SECISBP2L: variants seen among roughly 807,000 people sequenced by gnomAD.
SECISBP2L encodes selenocysteine insertion sequence-binding protein 2-like.
In SECISBP2L, 43 loss-of-function variants were observed where a neutral mutation model predicts 114.7. The ratio of observed to expected loss-of-function variants is 0.38; its 90% CI spans 0.29 to 0.48. The LOEUF (loss-of-function observed/expected upper bound fraction) is 0.48. SECISBP2L is among the 20% of genes least tolerant of loss of function. The probability of loss-of-function intolerance (pLI) is 0.98; values close to 1 mark genes in which losing one functional copy is unlikely to be tolerated. For synonymous variants in SECISBP2L, 451 were observed against 439.7 expected (o/e 1.03, Z -0.32); for missense variants, 1,136 against 1,301.1 (o/e 0.87, Z 1.95).
At chr15:49,015,436 G>A (rs75292421) in intron 11 of SECISBP2L, among the ~76,000 whole-genome samples, 1 of 152,192 alleles carries the variant, frequency 6.6e-6, no homozygotes, top group African/African-American at 2.4e-5. Flanking sequence ...AGGTTTAAAC[G>A]TTTTGCACAC....
In SECISBP2L at chr15:48,999,813, T is replaced by C; in HGVS notation, c.2403+20A>G. 6.2e-7 allele frequency: 1 copy of C among 1,611,342 alleles called. No individual in the cohort carries two copies. Reference sequence around the variant, plus strand: ...GGGGATGTGCTGGAGAGCAAGAGTGTGTGTCTTCTAAATTCTTACCTCAGC... The same window carrying C: ...GGGGATGTGCTGGAGAGCAAGAGTGCGTGTCTTCTAAATTCTTACCTCAGC... On this transcript the variant is annotated intron_variant, in intron 16 of 17. Transcript: ENST00000559471.
At position 48,991,162 on chromosome 15, in the gene SECISBP2L, C is replaced by T. The variant is rs1478854387; in HGVS notation, c.*1082G>A. On this transcript the variant is annotated 3_prime_UTR_variant, in exon 18 of 18. Coordinates refer to ENST00000559471, the MANE Select transcript of SECISBP2L (RefSeq NM_001193489.2). Reference sequence around the variant, plus strand: ...TCTTCTAAAACTTCCTCCTCTAAGCCTTGATTATCAGGATACATGTCACAA... The same window carrying T: ...TCTTCTAAAACTTCCTCCTCTAAGCTTTGATTATCAGGATACATGTCACAA... The T allele has an allele frequency of 1.3e-5, 2 of 152,198 alleles. No homozygotes were observed. Among genetic ancestry groups the T allele is most frequent in the African/African-American group, 4.8e-5 (2 of 41,436 alleles). The allele number at this position is 152,198 out of a possible 1,614,324, so 9.4% of individuals were successfully genotyped here.
intron 5 of SECISBP2L, 67 bp downstream of exon 5, chr15:49,028,386 G>T: frequency 6.9e-7 from 1 of 1,443,624 alleles, no homozygotes; most frequent in Non-Finnish European, 9.7e-7. Context: ...TTAAGCTTTA[G>T]CAGAGGATGC....
At chr15:49,038,381 G>C (rs1903055125) in intron 1 of SECISBP2L, among the ~76,000 whole-genome samples, 1 of 149,672 alleles carries the variant, frequency 6.7e-6, no homozygotes, top group Non-Finnish European at 1.5e-5. Context: ...ATCCATTTTA[G>C]TTTACTTTGT....
chr15:49,041,043 T>G (rs1057462601), intron 1 of SECISBP2L, among the ~76,000 whole-genome samples: 1 of 152,120 alleles, frequency 6.6e-6, no homozygotes, highest in Admixed American at 6.5e-5. Flanking sequence ...GTGTTTAGTC[T>G]CTCTACTTTT....
At chr15:48,996,628 C>A in intron 16 of SECISBP2L, 42 bp from the exon 17 acceptor site, 1 of 1,532,984 alleles carries the variant, frequency 6.5e-7, no homozygotes, top group Non-Finnish European at 9.0e-7. Flanking sequence ...TTTTTTGTTA[C>A]ACTTTTTATT....
chr15:48,988,734 A>C lies in SECISBP2L; in HGVS notation c.*3510T>G. 2 of 369,630 alleles carry C rather than the reference A, an allele frequency of 5.4e-6. No individual in the cohort carries two copies. The highest frequency in any genetic ancestry group is 3.1e-5 in the Admixed American group (1 of 32,156). 22.9% of individuals were successfully genotyped at this position (369,630 alleles called of 1,614,324 possible). ...TATTACCCCCCAAATGTGATATAAC[A>C]ATTATCCTTCATACAGCAAAAGATG... On this transcript the variant is annotated 3_prime_UTR_variant, in exon 18 of 18. Transcript: ENST00000559471.
chr15:49,044,802 T>G, intron 1 of SECISBP2L, among the ~76,000 whole-genome samples: 1 of 152,182 alleles, frequency 6.6e-6, no homozygotes, highest in East Asian at 1.9e-4. Context: ...AATTACCATC[T>G]AAATAGTTAA....
At chr15:49,037,518 A>G in intron 2 of SECISBP2L, 73 bp downstream of exon 2, 1 of 1,358,606 alleles carries the variant, frequency 7.4e-7, no homozygotes, top group East Asian at 2.5e-5. Flanking sequence ...GTTGCAAAGG[A>G]AAAATATTAA....
At chr15:49,030,597 A>T (rs1459464669) in intron 4 of SECISBP2L, among the ~76,000 whole-genome samples, 1 of 152,192 alleles carries the variant, frequency 6.6e-6, no homozygotes, top group Non-Finnish European at 1.5e-5. Context: ...TTATTCTTTC[A>T]CTAACTTTTA....
chr15:49,016,868 T>C lies in SECISBP2L; in HGVS notation c.1399A>G (p.Met467Val), dbSNP rs1261578335. 2 of 1,611,704 alleles carry C rather than the reference T, an allele frequency of 1.2e-6. No individual in the cohort carries two copies. Among genetic ancestry groups the C allele is most frequent in the South Asian group, 1.1e-5 (1 of 90,262 alleles). The change falls in exon 10 of 18, where the codon ATG becomes GTG. Residue 467 changes from methionine (M) to valine (V), a missense_variant. By Grantham distance (21) the Met-to-Val change is conservative. This residue lies in a region of SECISBP2L where 684 missense variants were observed against 848.7 expected (regional missense o/e 0.81). Transcript: ENST00000559471. ...ATAQEYSEISMEQKKLQEALS... is the reference protein window; with the variant it reads ...ATAQEYSEISVEQKKLQEALS... ...TGTACCTGTAATTTTTTTTGCTCCATACTTATTTCTGAATACTCTTGAGCT... is the reference window on the plus strand; with the variant it reads ...TGTACCTGTAATTTTTTTTGCTCCACACTTATTTCTGAATACTCTTGAGCT...
intron 1 of SECISBP2L, among the ~76,000 whole-genome samples, chr15:49,044,697 C>A (rs16962013): frequency 4.5e-3 from 691 of 152,202 alleles, no homozygotes; most frequent in African/African-American, 0.016. Flanking sequence ...AGGTCGTGGA[C>A]TTTGGAAAGA....
In SECISBP2L at chr15:49,016,575, G is replaced by A; in HGVS notation, c.1546C>T (p.Pro516Ser). The change falls in exon 11 of 18, where the codon CCT (proline) becomes TCT (serine). Residue 516 changes from proline (P) to serine (S), a missense_variant. Around this residue, in one of 2 missense-constraint regions of SECISBP2L, gnomAD observed 684 missense variants for 848.7 expected, o/e 0.81. Transcript: ENST00000559471. ...MKARQITNTR[P>S]LSYTVVTAAS... ...ATGATATCACCTGTATATGACAGAGGTCTGGTGTTAGTAATTTGCCGTGCT... is the reference window on the plus strand; with the variant it reads ...ATGATATCACCTGTATATGACAGAGATCTGGTGTTAGTAATTTGCCGTGCT... 1 of 1,610,608 alleles carries A rather than the reference G, an allele frequency of 6.2e-7. No individual in the cohort carries two copies. Among genetic ancestry groups the A allele is most frequent in the Admixed American group, 1.7e-5 (1 of 59,782 alleles).
intron 14 of SECISBP2L, among the ~76,000 whole-genome samples, chr15:49,004,559 T>C (rs986731671): frequency 6.6e-6 from 1 of 152,242 alleles, no homozygotes; most frequent in Non-Finnish European, 1.5e-5. Flanking sequence ...CTTTCTCCTG[T>C]GGGCATTTTA....
rs569184797 is a variant in SECISBP2L, at chr15:49,010,553, C to T, written c.1865-1175G>A. 5.3e-5 allele frequency among the ~76,000 whole-genome samples: 8 copies of T among 152,162 alleles called. No individual in the cohort carries two copies. In the East Asian group the frequency reaches 5.8e-4, roughly 11 times the overall value. On this transcript the variant is annotated intron_variant, in intron 13 of 17. Transcript: ENST00000559471. ...TGATACAGGGTCTCACTTTGTCATC[C>T]GGGCTGGAGTGCAGTGGCATGATCT...
At chr15:49,004,644 T>C (rs1487417017) in intron 14 of SECISBP2L, among the ~76,000 whole-genome samples, 1 of 152,226 alleles carries the variant, frequency 6.6e-6, no homozygotes, top group Non-Finnish European at 1.5e-5. Flanking sequence ...TTTGTTCTCA[T>C]TGGTTTCAAA....
At chr15:49,029,285 A>G (rs1902832427) in intron 4 of SECISBP2L, among the ~76,000 whole-genome samples, 1 of 152,160 alleles carries the variant, frequency 6.6e-6, no homozygotes, top group African/African-American at 2.4e-5. Context: ...CCCCTCCACT[A>G]CTATACCGTT....
At chr15:49,010,344 C>A (rs969401713) in intron 13 of SECISBP2L, among the ~76,000 whole-genome samples, 2 of 152,018 alleles carry the variant, frequency 1.3e-5, no homozygotes, top group African/African-American at 4.8e-5. Flanking sequence ...TTGGTCTTTG[C>A]TTCTGTGTTC....
intron 1 of SECISBP2L, among the ~76,000 whole-genome samples, chr15:49,041,481 C>T (rs1436255539): frequency 1.3e-5 from 2 of 152,170 alleles, no homozygotes; most frequent in African/African-American, 2.4e-5. Context: ...ATTCAACAAA[C>T]GTGCATTTAG....
Sources: allele counts gnomAD v4.1 joint callset (sites outside exome capture counted in the v4.1 genomes callset), GRCh38; gene constraint gnomAD v4.1.1; regional missense constraint gnomAD v4.1.1; transcripts MANE v1.5; gene names NCBI Gene and HGNC (gene_info 2026-07-23, HGNC 2026-07-21).